Variants in ABAT observed in about 807,000 individuals in gnomAD.
ABAT encodes the protein 4-aminobutyrate aminotransferase, mitochondrial.
A neutral mutation model predicts 64.6 loss-of-function variants in ABAT; 45 were observed. That is an observed-to-expected ratio of 0.70 (90% CI 0.55 to 0.89). The LOEUF (loss-of-function observed/expected upper bound fraction) is 0.89. Ranked by LOEUF, ABAT falls within the 40% of genes least tolerant of loss-of-function variation. The pLI is 0.00. For missense variants in ABAT, 633 were observed against 658.4 expected (o/e 0.96, Z 0.42); for synonymous variants, 297 against 250.5 (o/e 1.19, Z -1.75).
chr16:8,703,277 A>G (rs2057866586), intron 1 of ABAT, among the ~76,000 whole-genome samples: 1 of 152,082 alleles, frequency 6.6e-6, no homozygotes. Flanking sequence ...CGACATGGCG[A>G]AACCCCGTCT....
chr16:8,731,194 C>G (rs565828183), intron 1 of ABAT, among the ~76,000 whole-genome samples: 19 of 152,262 alleles, frequency 1.2e-4, no homozygotes, highest in African/African-American at 4.6e-4. Context: ...AACTCCTGAC[C>G]TCAAGTGATC....
chr16:8,778,394 T>G (rs2060329021), intron 14 of ABAT, among the ~76,000 whole-genome samples: 1 of 152,122 alleles, frequency 6.6e-6, no homozygotes, highest in Non-Finnish European at 1.5e-5. Context: ...CCTTGACGTG[T>G]GGAGGCTTCA....
chr16:8,742,038 C>G (rs536968305), intron 2 of ABAT, among the ~76,000 whole-genome samples: 1 of 152,256 alleles, frequency 6.6e-6, no homozygotes, highest in East Asian at 1.9e-4. Flanking sequence ...TGCAAACAAA[C>G]TTATGGAAAA....
At chr16:8,678,167 C>CCAATATTAATAA (rs1375112006) in intron 1 of ABAT, among the ~76,000 whole-genome samples, 3 of 152,186 alleles carry the variant, frequency 2.0e-5, no homozygotes, top group African/African-American at 7.2e-5. Context: ...GTGGAGCCTT[C>CCAATATTAATAA]CAATATTAAT....
Position 8,682,370 on chromosome 16 carries a change from A to G in ABAT, c.-42+7659A>G, listed in dbSNP as rs552281339. Among the ~76,000 whole-genome samples the G allele has an allele frequency of 6.6e-5, 10 of 152,258 alleles. No homozygotes were observed. In the East Asian group the frequency reaches 1.5e-3, roughly 24 times the overall value. ...ATGAATGGATGAATAAATGAATCCAATTTACAAATTCCACTGTGGGAAAAC... is the reference window on the plus strand; with the variant it reads ...ATGAATGGATGAATAAATGAATCCAGTTTACAAATTCCACTGTGGGAAAAC... On this transcript the variant is annotated intron_variant, in intron 1 of 15. Transcript: ENST00000268251.
At chr16:8,710,727 A>AGAGAGAGAGAGAGAGGGAGG (rs146344975) in intron 1 of ABAT, among the ~76,000 whole-genome samples, 14 of 103,754 alleles carry the variant, frequency 1.3e-4, no homozygotes, top group East Asian at 4.5e-4. Flanking sequence ...AGAGAGAGAG[A>AGAGAGAGAGAGAGAGGGAGG]GAGGAAATAG....
chr16:8,765,985 C>T (rs547065555), intron 8 of ABAT: 9 of 505,702 alleles, frequency 1.8e-5, no homozygotes, highest in Middle Eastern at 3.0e-4. Context: ...AGATCTTAAT[C>T]GTTGCTGATG....
chr16:8,735,231 G>A (rs1349031951), intron 1 of ABAT, among the ~76,000 whole-genome samples: 1 of 151,478 alleles, frequency 6.6e-6, no homozygotes, highest in African/African-American at 2.4e-5. Context: ...TATAGTTTTG[G>A]GTTGGTTTTT....
intron 6 of ABAT, among the ~76,000 whole-genome samples, chr16:8,761,062 C>T (rs546278540): frequency 9.0e-5 from 13 of 144,680 alleles, no homozygotes; most frequent in African/African-American, 2.3e-4. Context: ...GGTGACAGAG[C>T]GAGACCTTGC....
chr16:8,747,719 T>C (rs1015493007), intron 3 of ABAT, among the ~76,000 whole-genome samples: 1 of 152,192 alleles, frequency 6.6e-6, no homozygotes, highest in African/African-American at 2.4e-5. Flanking sequence ...AAATGGTTCT[T>C]TGATATGCAA....
At chr16:8,701,334 T>A (rs566748763) in intron 1 of ABAT, among the ~76,000 whole-genome samples, 1 of 151,788 alleles carries the variant, frequency 6.6e-6, no homozygotes, top group East Asian at 1.9e-4. Flanking sequence ...CTGCAGTGAA[T>A]AACGTGGTAG....
intron 5 of ABAT, among the ~76,000 whole-genome samples, chr16:8,756,452 C>A (rs1242911826): frequency 6.6e-6 from 1 of 151,194 alleles, no homozygotes; most frequent in African/African-American, 2.4e-5. Flanking sequence ...TAGAACCTGC[C>A]GGTTTGTTAC....
chr16:8,735,560 C>A (rs903106833), intron 1 of ABAT, 139 bp from the exon 2 acceptor site: 4 of 765,026 alleles, frequency 5.2e-6, no homozygotes, highest in African/African-American at 5.2e-5. Context: ...ATATAAAGTC[C>A]ATGTTCAGTA....
At chr16:8,758,774 AAGAG>A (rs1393386670) in intron 6 of ABAT, among the ~76,000 whole-genome samples, 4 of 152,134 alleles carry the variant, frequency 2.6e-5, no homozygotes, top group Non-Finnish European at 5.9e-5. Flanking sequence ...TCTCTATCCG[AAGAG>A]AGATAGAGAG....
chr16:8,737,515 AAATT>A (rs2058982606), intron 2 of ABAT: 2 of 151,404 alleles, frequency 1.3e-5, no homozygotes, highest in Admixed American at 6.6e-5. Context: ...TATTTTTTAA[AAATT>A]TTAGATTTAC....
intron 1 of ABAT, among the ~76,000 whole-genome samples, chr16:8,694,377 GT>G (rs2057655701): frequency 6.6e-6 from 1 of 151,058 alleles, no homozygotes; most frequent in Admixed American, 6.6e-5. Flanking sequence ...CACCTTGCAC[GT>G]TTTTTGTTTG....
intron 15 of ABAT, chr16:8,780,399 T>G (rs1231436229): frequency 6.5e-6 from 1 of 154,174 alleles, no homozygotes. Flanking sequence ...TCTTACAGAA[T>G]CCTTGCAGCA....
intron 1 of ABAT, among the ~76,000 whole-genome samples, chr16:8,694,948 T>C (rs983797167): frequency 3.3e-5 from 5 of 152,216 alleles, no homozygotes; most frequent in Non-Finnish European, 7.3e-5. Flanking sequence ...ACACTCTGCC[T>C]TCCCCGACTT....
At chr16:8,767,305 C>T (rs530878392) in intron 9 of ABAT, among the ~76,000 whole-genome samples, 7 of 152,346 alleles carry the variant, frequency 4.6e-5, no homozygotes, top group South Asian at 2.1e-4. Flanking sequence ...GGAGAGTGCC[C>T]GGAGAGGGGC....
Sources: allele counts gnomAD v4.1 joint callset (sites outside exome capture counted in the v4.1 genomes callset), GRCh38; gene constraint gnomAD v4.1.1; transcripts MANE v1.5; gene names NCBI Gene and HGNC (gene_info 2026-07-23, HGNC 2026-07-21).